Variants in VPS54 observed in about 807,000 individuals in gnomAD.
The protein encoded by VPS54 is VPS54 subunit of GARP complex.
A neutral mutation model predicts 121.5 loss-of-function variants in VPS54; 45 were observed. The ratio of observed to expected loss-of-function variants is 0.37; its 90% CI spans 0.29 to 0.47. The LOEUF is 0.47. Among genes scored for constraint, VPS54 ranks in the 20% least tolerant of loss-of-function variants. The probability of loss-of-function intolerance (pLI) is 0.99; values close to 1 mark genes in which losing one functional copy is unlikely to be tolerated. For synonymous variants in VPS54, 371 were observed against 385.8 expected (o/e 0.96, Z 0.45); for missense variants, 1,090 against 1,131.4 (o/e 0.96, Z 0.52).
At chr2:64,000,736 G>A (rs1370506918) in intron 1 of VPS54, among the ~76,000 whole-genome samples, 1 of 152,202 alleles carries the variant, frequency 6.6e-6, no homozygotes, top group African/African-American at 2.4e-5. Context: ...CCAAACAAAT[G>A]AAGTCTCTTT....
intron 11 of VPS54, among the ~76,000 whole-genome samples, chr2:63,938,777 G>T (rs1298518510): frequency 3.3e-5 from 5 of 152,168 alleles, no homozygotes; most frequent in Non-Finnish European, 7.4e-5. Flanking sequence ...GAGTTATTAT[G>T]TAATAGGTAC....
intron 12 of VPS54, among the ~76,000 whole-genome samples, chr2:63,922,729 G>C (rs528747161): frequency 2.0e-5 from 3 of 152,132 alleles, no homozygotes; most frequent in Admixed American, 1.3e-4. Context: ...CAGTCTAGTA[G>C]TATTTCAAAA....
At chr2:63,965,499 T>C (rs1675952917) in intron 6 of VPS54, among the ~76,000 whole-genome samples, 1 of 152,024 alleles carries the variant, frequency 6.6e-6, no homozygotes, top group South Asian at 2.1e-4. Context: ...TAAAAATAAA[T>C]AAAATTAGCC....
In VPS54 at chr2:63,912,639, C is replaced by G. The variant is rs767793672; in HGVS notation, c.2445G>C (p.Gln815His). The change falls in exon 19 of 23, where the codon CAG becomes CAC. Residue 815 changes from glutamine (Q) to histidine (H), a missense_variant. Physicochemically the swap from Gln to His is conservative, Grantham distance 24 (BLOSUM62 0). Coordinates refer to ENST00000272322, the MANE Select transcript of VPS54 (RefSeq NM_016516.3). ...TCACAGGAATGTAGTGCACAATTAACTGCAAACATCGTGAAGAAAGAGCTG... is the reference window on the plus strand; with the variant it reads ...TCACAGGAATGTAGTGCACAATTAAGTGCAAACATCGTGAAGAAAGAGCTG... ...KNLALSSRCL[Q>H]LIVHYIPVIR... is the part of the protein sequence containing the mutation. 1 of 1,575,308 alleles carries G rather than the reference C, an allele frequency of 6.3e-7. No homozygotes were observed. Among genetic ancestry groups the G allele is most frequent in the Non-Finnish European group, 8.5e-7 (1 of 1,170,344 alleles).
chr2:63,985,182 TG>T (rs1676985264), intron 1 of VPS54, among the ~76,000 whole-genome samples: 2 of 151,952 alleles, frequency 1.3e-5, no homozygotes, highest in South Asian at 4.2e-4. Context: ...TAGCTGGGCG[TG>T]GTGGTGCATG....
chr2:63,965,777 A>G, intron 6 of VPS54, 58 bp downstream of exon 6: 1 of 1,583,120 alleles, frequency 6.3e-7, no homozygotes, highest in Non-Finnish European at 8.5e-7. Flanking sequence ...GAACCCAAGC[A>G]AACAGTACCG....
chr2:63,929,036 A>G lies in VPS54; in HGVS notation c.1739+4637T>C, dbSNP rs190378946. On this transcript the variant is annotated intron_variant, in intron 12 of 22. Transcript: ENST00000272322. ...TCATAAAGCAAGTCCTTAGAGACCT[A>G]CAAAGAGACTTACACTCCCACACAA... Among the ~76,000 whole-genome samples the G allele has an allele frequency of 3.9e-3, 593 of 152,290 alleles. 3 individuals are homozygous for G. Among genetic ancestry groups the G allele is most frequent in the Admixed American group, 9.3e-3 (142 of 15,302 alleles).
In VPS54 at chr2:63,962,282, A is replaced by C. The variant is rs1675805679; in HGVS notation, c.786T>G (p.Ile262Met). The C allele has an allele frequency of 2.5e-6, 4 of 1,613,942 alleles. No individual in the cohort carries two copies. The highest frequency in any genetic ancestry group is 1.1e-5 in the South Asian group (1 of 91,082). ...GTGATCCTTCACACATTACTTTATCAATCTGTGCAATTTTATCTCGAAGCA... is the reference window on the plus strand; with the variant it reads ...GTGATCCTTCACACATTACTTTATCCATCTGTGCAATTTTATCTCGAAGCA... ...VKMLRDKIAQIDKVMCEGSLH... is the reference protein window; with the variant it reads ...VKMLRDKIAQMDKVMCEGSLH... The change falls in exon 7 of 23, where the codon ATT becomes ATG. Residue 262 changes from isoleucine to methionine, a missense_variant. Physicochemically the swap from Ile to Met is conservative, Grantham distance 10. Coordinates refer to ENST00000272322, the MANE Select transcript of VPS54 (RefSeq NM_016516.3).
At chr2:63,944,285 T>C (rs11899693) in intron 10 of VPS54, among the ~76,000 whole-genome samples, 11,060 of 152,164 alleles carry the variant, frequency 0.073, 797 homozygotes, top group African/African-American at 0.19. Context: ...GAGGAGCCCT[T>C]ACAAAAACTG....
Position 63,920,107 on chromosome 2 carries a change from C to A in VPS54, c.2052-112G>T, listed in dbSNP as rs375752467. Reference sequence around the variant, plus strand: ...GTGAGAACATAAGACTTAAAAAGTGCTGAACACTTTAATAAGCAGGACCAA... The same window carrying A: ...GTGAGAACATAAGACTTAAAAAGTGATGAACACTTTAATAAGCAGGACCAA... On this transcript the variant is annotated intron_variant, in intron 14 of 22. Coordinates refer to ENST00000272322, the MANE Select transcript of VPS54 (RefSeq NM_016516.3). The A allele has an allele frequency of 5.5e-4, 446 of 806,086 alleles. 7 individuals are homozygous for A. The South Asian group carries it at 8.6e-3, about 16-fold the overall frequency. 49.9% of individuals were successfully genotyped at this position (806,086 alleles called of 1,614,324 possible). A position where few individuals can be genotyped will look rare whatever the true frequency, so the allele number is the denominator to read the frequency against.
intron 15 of VPS54, 127 bp from the exon 16 acceptor site, chr2:63,917,090 T>C (rs1046472345): frequency 2.6e-5 from 23 of 895,410 alleles, no homozygotes; most frequent in Middle Eastern, 2.2e-4. Flanking sequence ...ATCTACTTCC[T>C]GGGAAACTAT....
chr2:63,904,836 G>A (rs1281896447), intron 20 of VPS54, among the ~76,000 whole-genome samples: 1 of 152,154 alleles, frequency 6.6e-6, no homozygotes, highest in African/African-American at 2.4e-5. Flanking sequence ...TAAAATAACT[G>A]GAGTCACATA....
chr2:63,896,169 G>C (rs943776588), intron 22 of VPS54, among the ~76,000 whole-genome samples: 13 of 152,158 alleles, frequency 8.5e-5, no homozygotes, highest in Non-Finnish European at 1.2e-4. Context: ...TGATGTTCTT[G>C]CTGAAAATAT....
chr2:63,944,963 G>A (rs149354335), intron 9 of VPS54, among the ~76,000 whole-genome samples: 242 of 152,278 alleles, frequency 1.6e-3, no homozygotes, highest in Middle Eastern at 3.4e-3. Context: ...TTCAACCATT[G>A]TGGAAGACAG....
intron 1 of VPS54, among the ~76,000 whole-genome samples, chr2:64,001,096 G>A (rs989693916): frequency 6.6e-6 from 1 of 152,166 alleles, no homozygotes; most frequent in East Asian, 1.9e-4. Context: ...CATGAGACAC[G>A]GTCATTCCCA....
At chr2:64,016,190 C>T (rs938501208) in intron 1 of VPS54, among the ~76,000 whole-genome samples, 3 of 152,210 alleles carry the variant, frequency 2.0e-5, no homozygotes, top group African/African-American at 7.2e-5. Context: ...CCCACTTTTA[C>T]TTATTGATTC....
chr2:63,929,890 C>T (rs1674104181), intron 12 of VPS54, among the ~76,000 whole-genome samples: 1 of 152,098 alleles, frequency 6.6e-6, no homozygotes, highest in South Asian at 2.1e-4. Context: ...AACACCTCTA[C>T]ACAAATAAAC....
intron 1 of VPS54, among the ~76,000 whole-genome samples, chr2:63,992,954 C>A (rs143000893): frequency 0.012 from 1,873 of 152,250 alleles, 17 homozygotes; most frequent in Non-Finnish European, 0.015. Context: ...TACAATCTGC[C>A]AGCTTTATGT....
chr2:63,938,963 A>AT (rs1271275612), intron 11 of VPS54, among the ~76,000 whole-genome samples: 1 of 152,252 alleles, frequency 6.6e-6, no homozygotes, highest in African/African-American at 2.4e-5. Flanking sequence ...AAAAATACAA[A>AT]TAACAGCAAC....
Sources: allele counts gnomAD v4.1 joint callset (sites outside exome capture counted in the v4.1 genomes callset), GRCh38; gene constraint gnomAD v4.1.1; transcripts MANE v1.5; gene names NCBI Gene and HGNC (gene_info 2026-07-23, HGNC 2026-07-21).